Variants in FAT1 observed in about 807,000 individuals in gnomAD.
FAT1 encodes the protein FAT atypical cadherin 1, also known as protocadherin Fat 1.
A neutral mutation model predicts 329.8 loss-of-function variants in FAT1; 171 were observed. That is an observed-to-expected ratio of 0.52 (90% CI 0.46 to 0.59). FAT1 has a LOEUF of 0.59. Ranked by LOEUF, FAT1 falls within the 20% of genes least tolerant of loss-of-function variation. FAT1 has a pLI of 0.00. For synonymous variants in FAT1, 2,233 were observed against 2,228.6 expected (o/e 1.00, Z -0.06); for missense variants, 5,672 against 5,774.4 (o/e 0.98, Z 0.57).
In FAT1 at chr4:186,602,899, T is replaced by G. The variant is rs374043270; in HGVS notation, c.11482+4A>C. 7.5e-6 allele frequency: 12 copies of G among 1,610,504 alleles called. No individual in the cohort carries two copies. The highest frequency in any genetic ancestry group is 1.0e-5 in the Non-Finnish European group (12 of 1,178,160). ...AAAAGTATACCCAACCATTCAACTC[T>G]CACCTGGGCACTGACCAAACCTGCC... On this transcript the variant is annotated splice_donor_region_variant and intron_variant, in intron 20 of 26. Transcript: ENST00000441802.
chr4:186,618,635 G>A lies in FAT1; in HGVS notation c.7951C>T (p.Leu2651=), dbSNP rs1560939329. ...SVKENLEINK[L]SGVITTKESL... is the part of the protein sequence containing the mutation. ...TCCTTTGTAGTGATTACGCCGGACA[G>A]TTTGTTAATTTCCAAATTCTCTTTT... Residue 2651 remains leucine, a synonymous_variant, in exon 10 of 27, where the codon CTG becomes TTG. Coordinates refer to ENST00000441802, the MANE Select transcript of FAT1 (RefSeq NM_005245.4). The A allele has an allele frequency of 6.2e-7, 1 of 1,614,062 alleles. No homozygotes were observed. Among genetic ancestry groups the A allele is most frequent in the Non-Finnish European group, 8.5e-7 (1 of 1,179,900 alleles).
chr4:186,593,015 T>C (rs1560914379), intron 26 of FAT1, among the ~76,000 whole-genome samples: 5 of 152,192 alleles, frequency 3.3e-5, no homozygotes, highest in Non-Finnish European at 7.3e-5. Context: ...AAAAAACTTT[T>C]AGCTTTAAAT....
rs762753817 is a variant in FAT1, at chr4:186,706,543, A to G, written c.3265+20T>C. On this transcript the variant is annotated intron_variant, in intron 2 of 26. Transcript: ENST00000441802. ...AAAATGGAAAAGGGCATCAAATGAG[A>G]GCAATAAAAACATATTTACCTGTCT... 5 of 1,557,566 alleles carry G rather than the reference A, an allele frequency of 3.2e-6. No individual in the cohort carries two copies. The Admixed American group carries it at 1.0e-4, about 31-fold the overall frequency.
At chr4:186,595,352 T>C (rs894451023) in intron 26 of FAT1, among the ~76,000 whole-genome samples, 20 of 151,970 alleles carry the variant, frequency 1.3e-4, no homozygotes, top group African/African-American at 4.8e-4. Flanking sequence ...TGCTGCGTGG[T>C]TAAGAAAGTT....
chr4:186,616,668 G>A (rs894262924), intron 11 of FAT1, among the ~76,000 whole-genome samples: 4 of 152,220 alleles, frequency 2.6e-5, no homozygotes, highest in Non-Finnish European at 4.4e-5. Context: ...ACGGCACGTC[G>A]GCACTTTGTT....
chr4:186,638,541 T>G (rs1052225157), intron 4 of FAT1, among the ~76,000 whole-genome samples: 1 of 152,078 alleles, frequency 6.6e-6, no homozygotes, highest in African/African-American at 2.4e-5. Flanking sequence ...ATGTAATACA[T>G]GAAGCAGCTC....
In FAT1 at chr4:186,636,724, T is replaced by TC; in HGVS notation, c.3832dup (p.Asp1278GlyfsTer4). On this transcript the variant is annotated frameshift_variant, in exon 5 of 27. Coordinates refer to ENST00000441802, the MANE Select transcript of FAT1 (RefSeq NM_005245.4). LOFTEE classifies it high-confidence loss of function. ...TTCTGCATTGGGGCCCTCATCCTTG[T>TC]CGGTGGCTATGACGTGATAGAGCGG... is the stretch of plus-strand genomic sequence containing the variant. 6.2e-7 allele frequency: 1 copy of TC among 1,613,914 alleles called. No homozygotes were observed. Among genetic ancestry groups the TC allele is most frequent in the Non-Finnish European group, 8.5e-7 (1 of 1,179,872 alleles).
At chr4:186,694,001 T>C (rs977775062) in intron 2 of FAT1, among the ~76,000 whole-genome samples, 1 of 151,582 alleles carries the variant, frequency 6.6e-6, no homozygotes, top group Non-Finnish European at 1.5e-5. Context: ...AACCTGCCTC[T>C]CATCTACTAA....
Position 186,618,683 on chromosome 4 carries a change from T to C in FAT1, c.7903A>G (p.Ile2635Val), listed in dbSNP as rs1739854808. ...EGSNADITYA[I>V]EADSESVKEN... The stretch of plus-strand genomic sequence containing the variant: ...TTTACACTTTCAGAGTCTGCTTCAA[T>C]GGCATAGGTGATGTCGGCATTGGAG... Residue 2635 changes from isoleucine to valine, a missense_variant, in exon 10 of 27, where the codon ATT becomes GTT. Physicochemically the swap from Ile to Val is conservative, Grantham distance 29 (BLOSUM62 3). Around this residue, in one of 2 missense-constraint regions of FAT1, gnomAD observed 3,966 missense variants for 3,915.2 expected, o/e 1.01. Coordinates refer to ENST00000441802, the MANE Select transcript of FAT1 (RefSeq NM_005245.4). The C allele has an allele frequency of 6.2e-7, 1 of 1,613,944 alleles. No homozygotes were observed.
At chr4:186,657,596 A>C (rs1416457190) in intron 3 of FAT1, among the ~76,000 whole-genome samples, 1 of 152,154 alleles carries the variant, frequency 6.6e-6, no homozygotes, top group Non-Finnish European at 1.5e-5. Flanking sequence ...AGCTATGTGA[A>C]AGCTTATCAA....
intron 6 of FAT1, 53 bp downstream of exon 6, chr4:186,635,972 G>C: frequency 6.7e-7 from 1 of 1,494,910 alleles, no homozygotes; most frequent in Non-Finnish European, 9.3e-7. Context: ...ACCGTATGCA[G>C]GTTCTCCTCA....
chr4:186,670,478 C>G (rs1742678461), intron 2 of FAT1, among the ~76,000 whole-genome samples: 1 of 152,054 alleles, frequency 6.6e-6, no homozygotes, highest in South Asian at 2.1e-4. Flanking sequence ...AATATGAAAA[C>G]AATACTCACG....
At chr4:186,662,188 G>A (rs774029746) in intron 3 of FAT1, among the ~76,000 whole-genome samples, 12 of 151,502 alleles carry the variant, frequency 7.9e-5, no homozygotes, top group Non-Finnish European at 1.0e-4. Context: ...GTCTGGGACC[G>A]CCACTAGAGA....
At position 186,611,442 on chromosome 4, in the gene FAT1, G is replaced by T. The variant is rs2126466795; in HGVS notation, c.9797C>A (p.Thr3266Asn). The change falls in exon 14 of 27, where the codon ACC (threonine) becomes AAC (asparagine). Residue 3266 changes from threonine to asparagine, a missense_variant. Physicochemically the swap from Thr to Asn is moderately conservative, Grantham distance 65. Coordinates refer to ENST00000441802, the MANE Select transcript of FAT1 (RefSeq NM_005245.4). ...SRDIEANAEI[T>N]YSIISGNEHG... The stretch of plus-strand genomic sequence containing the variant: ...TTCATTTCCACTTATTATTGAGTAG[G>T]TGATTTCTGCATTTGCTTCAATATC... 1 of 1,613,744 alleles carries T rather than the reference G, an allele frequency of 6.2e-7. No individual in the cohort carries two copies. Among genetic ancestry groups the T allele is most frequent in the Non-Finnish European group, 8.5e-7 (1 of 1,179,782 alleles).
rs2126385254 is a variant in FAT1, at chr4:186,596,471, T to C, written c.13000+69A>G. The C allele has an allele frequency of 1.3e-6, 2 of 1,509,484 alleles. No homozygotes were observed. Among genetic ancestry groups the C allele is most frequent in the Non-Finnish European group, 1.8e-6 (2 of 1,116,502 alleles). The allele number at this position is 1,509,484 out of a possible 1,614,324, so 93.5% of individuals were successfully genotyped here. ...TAATGAAGAGTACACACATTTTGACTGGACAGAATTTGTAACCTCACTGTT... is the reference window on the plus strand; with the variant it reads ...TAATGAAGAGTACACACATTTTGACCGGACAGAATTTGTAACCTCACTGTT... On this transcript the variant is annotated intron_variant, in intron 25 of 26. Coordinates refer to ENST00000441802, the MANE Select transcript of FAT1 (RefSeq NM_005245.4). This position sits in a 1 kb window ranked among gnomAD's most constrained non-coding sequence, Gnocchi z 4.7.
At chr4:186,680,761 G>A (rs1743171481) in intron 2 of FAT1, among the ~76,000 whole-genome samples, 1 of 152,220 alleles carries the variant, frequency 6.6e-6, no homozygotes, top group African/African-American at 2.4e-5. Flanking sequence ...AGGTTGCAGA[G>A]CTTGAATCAA....
intron 11 of FAT1, among the ~76,000 whole-genome samples, chr4:186,614,599 G>A (rs1739617424): frequency 6.6e-6 from 1 of 152,132 alleles, no homozygotes; most frequent in Admixed American, 6.5e-5. Flanking sequence ...CCTACAAAAT[G>A]CTATTATATG....
At chr4:186,624,861 C>T (rs1740223930) in intron 9 of FAT1, among the ~76,000 whole-genome samples, 1 of 152,216 alleles carries the variant, frequency 6.6e-6, no homozygotes, top group Non-Finnish European at 1.5e-5. Flanking sequence ...ATCTCCAACA[C>T]ATGCACACAC....
At position 186,620,378 on chromosome 4, in the gene FAT1, T is replaced by C. The variant is rs752111698; in HGVS notation, c.6208A>G (p.Ile2070Val). ...GCATTATCATTTTGGTCTTCTACAA[T>C]GACCTTCACGACAACGTGGGCCACT... ...SAVAHVVVKVIVEDQNDNAPV... is the reference protein window; with the variant it reads ...SAVAHVVVKVVVEDQNDNAPV... The change falls in exon 10 of 27, where the codon ATT becomes GTT. Residue 2070 changes from isoleucine to valine, a missense_variant. Ile to Val is a conservative substitution (Grantham distance 29). Coordinates refer to ENST00000441802, the MANE Select transcript of FAT1 (RefSeq NM_005245.4). 2.5e-6 allele frequency: 4 copies of C among 1,614,032 alleles called. No homozygotes were observed. The highest frequency in any genetic ancestry group is 1.1e-5 in the South Asian group (1 of 91,088).
Sources: gnomAD v4.1 joint callset for allele counts (sites outside exome capture counted in the v4.1 genomes callset) on GRCh38, gnomAD v4.1.1 for gene constraint, gnomAD v4.1.1 regional missense constraint, Gnocchi (gnomAD v3.1) non-coding constraint, MANE v1.5 for transcripts, NCBI Gene and HGNC (gene_info 2026-07-23, HGNC 2026-07-21) for gene names.